LRRK1: variants seen among roughly 807,000 people sequenced by gnomAD.
LRRK1 encodes leucine-rich repeat serine/threonine-protein kinase 1.
In LRRK1, 113 loss-of-function variants were observed where a neutral mutation model predicts 209.1. That is an observed-to-expected ratio of 0.54 (90% CI 0.46 to 0.63). The LOEUF (loss-of-function observed/expected upper bound fraction) is 0.63. LRRK1 is among the 30% of genes least tolerant of loss of function. LRRK1 has a pLI of 0.00. For missense variants in LRRK1, 2,284 were observed against 2,632.2 expected (o/e 0.87, Z 2.89); for synonymous variants, 1,144 against 1,099.7 (o/e 1.04, Z -0.80).
rs141930663 is a variant in LRRK1, at chr15:101,009,219, T to G, written c.989+156T>G. Among the ~76,000 whole-genome samples, 1,267 of 152,358 alleles carry G rather than the reference T, an allele frequency of 8.3e-3. 9 individuals carry two copies. The highest frequency in any genetic ancestry group is 0.031 in the Middle Eastern group (9 of 294). On this transcript the variant is annotated intron_variant, in intron 7 of 33. Transcript: ENST00000388948. ...TGCCTACCCTGAGGCAAGCCTCCCTTTCAGGTTAAAACAGAGAGGTTTAGA... is the reference window on the plus strand; with the variant it reads ...TGCCTACCCTGAGGCAAGCCTCCCTGTCAGGTTAAAACAGAGAGGTTTAGA...
At chr15:100,936,771 G>C (rs1035988726) in intron 2 of LRRK1, among the ~76,000 whole-genome samples, 7 of 152,220 alleles carry the variant, frequency 4.6e-5, no homozygotes, top group Non-Finnish European at 1.5e-5. Context: ...TATCACTTCA[G>C]CTGGGAGAAG....
At chr15:100,978,174 G>A (rs1406028544) in intron 3 of LRRK1, among the ~76,000 whole-genome samples, 3 of 152,004 alleles carry the variant, frequency 2.0e-5, no homozygotes, top group African/African-American at 4.8e-5. Flanking sequence ...CAGAACAGTA[G>A]AAATTACCCA....
chr15:101,003,535 T>C (rs1169169875), intron 6 of LRRK1, among the ~76,000 whole-genome samples: 1 of 152,150 alleles, frequency 6.6e-6, no homozygotes, highest in East Asian at 1.9e-4. Flanking sequence ...CTCACAATCA[T>C]GGCAGAAGGT....
intron 20 of LRRK1, among the ~76,000 whole-genome samples, chr15:101,033,675 C>A (rs1430684218): frequency 6.6e-6 from 1 of 152,164 alleles, no homozygotes; most frequent in East Asian, 1.9e-4. Flanking sequence ...CATTGATGGA[C>A]ACTTAGGTTG....
intron 26 of LRRK1, among the ~76,000 whole-genome samples, chr15:101,053,980 A>T (rs2141138405): frequency 6.6e-6 from 1 of 152,220 alleles, no homozygotes; most frequent in Admixed American, 6.5e-5. Context: ...TTTAAACAGA[A>T]TTCTTTACTT....
intron 20 of LRRK1, among the ~76,000 whole-genome samples, chr15:101,033,129 T>C (rs75296079): frequency 0.013 from 1,946 of 152,334 alleles, 44 homozygotes; most frequent in African/African-American, 0.044. Context: ...CTGCATTTCT[T>C]AGCTCACATT....
chr15:101,068,737 A>G lies in LRRK1; in HGVS notation c.5937A>G (p.Thr1979=). The G allele has an allele frequency of 6.2e-7, 1 of 1,613,890 alleles. No homozygotes were observed. The highest frequency in any genetic ancestry group is 2.2e-5 in the East Asian group (1 of 44,874). ...TVVCTFENEN[T]EWCLAVWRGW... Reference sequence around the variant, plus strand: ...TGTGCACCTTTGAAAATGAAAACACAGAGTGGTGCCTGGCCGTCTGGAGGG... The same window carrying G: ...TGTGCACCTTTGAAAATGAAAACACGGAGTGGTGCCTGGCCGTCTGGAGGG... The change falls in exon 34 of 34, where the codon ACA becomes ACG. Residue 1979 remains threonine, a synonymous_variant. Coordinates refer to ENST00000388948, the MANE Select transcript of LRRK1 (RefSeq NM_024652.6).
At chr15:100,954,254 G>A (rs944847250) in intron 2 of LRRK1, among the ~76,000 whole-genome samples, 19 of 152,036 alleles carry the variant, frequency 1.2e-4, no homozygotes, top group Admixed American at 9.8e-4. Flanking sequence ...ATGATTAGAC[G>A]TGCCGACAAC....
At chr15:100,933,043 T>A (rs2042238322) in intron 2 of LRRK1, among the ~76,000 whole-genome samples, 1 of 152,208 alleles carries the variant, frequency 6.6e-6, no homozygotes, top group African/African-American at 2.4e-5. Flanking sequence ...CTTTGCACCT[T>A]TATTTAATTG....
Position 100,989,364 on chromosome 15 carries a change from C to G in LRRK1, c.728C>G (p.Ala243Gly). The change falls in exon 6 of 34, where the codon GCC (alanine) becomes GGC (glycine). Residue 243 changes from alanine to glycine, a missense_variant. This residue lies in a region of LRRK1 where 494 missense variants were observed against 522.1 expected (regional missense o/e 0.95). Transcript: ENST00000388948. ...KHLLRKYFIE[A>G]SPLPSSYPGK... Reference sequence around the variant, plus strand: ...CTGCTGAGAAAGTACTTCATTGAAGCCAGTCCCTTGCCCAGCAGTTATCCG... The same window carrying G: ...CTGCTGAGAAAGTACTTCATTGAAGGCAGTCCCTTGCCCAGCAGTTATCCG... The G allele has an allele frequency of 6.2e-7, 1 of 1,614,228 alleles. No individual in the cohort carries two copies. The highest frequency in any genetic ancestry group is 1.7e-5 in the Admixed American group (1 of 60,034).
At chr15:100,941,752 G>A (rs550374028) in intron 2 of LRRK1, among the ~76,000 whole-genome samples, 2 of 152,242 alleles carry the variant, frequency 1.3e-5, no homozygotes, top group South Asian at 4.2e-4. Context: ...CATGGCTTCC[G>A]GGTGGTGGGC....
chr15:101,063,828 G>T (rs963332339), intron 31 of LRRK1, among the ~76,000 whole-genome samples: 1 of 150,192 alleles, frequency 6.7e-6, no homozygotes, highest in South Asian at 2.1e-4. Context: ...AAAAAAACAG[G>T]TATGAAATGA....
chr15:101,003,045 T>A (rs1211560234), intron 6 of LRRK1, among the ~76,000 whole-genome samples: 1 of 152,242 alleles, frequency 6.6e-6, no homozygotes, highest in Non-Finnish European at 1.5e-5. Flanking sequence ...GACAACTTTT[T>A]TAACTGTGCA....
chr15:101,066,339 G>T, intron 32 of LRRK1, 134 bp downstream of exon 32: 1 of 1,279,272 alleles, frequency 7.8e-7, no homozygotes, highest in Non-Finnish European at 1.1e-6. Flanking sequence ...AAGAGGGTTG[G>T]TTTCCTCCAT....
At chr15:101,041,354 AT>A (rs1274527843) in intron 20 of LRRK1, among the ~76,000 whole-genome samples, 1 of 152,212 alleles carries the variant, frequency 6.6e-6, no homozygotes, top group African/African-American at 2.4e-5. Flanking sequence ...ATTCATTCAC[AT>A]TTATCATAAT....
intron 2 of LRRK1, among the ~76,000 whole-genome samples, chr15:100,941,420 G>C (rs201386341): frequency 0.029 from 437 of 15,150 alleles, 63 homozygotes; most frequent in African/African-American, 0.049. Context: ...CTCTGTGTGT[G>C]TGTGTGTCTG....
chr15:100,956,450 T>TTTTCTTTTTC (rs2042760026), intron 2 of LRRK1, among the ~76,000 whole-genome samples: 6 of 64,658 alleles, frequency 9.3e-5, no homozygotes, highest in Admixed American at 4.7e-4. Context: ...TTTCCTTTTT[T>TTTTCTTTTTC]TTTTCTTTTT....
chr15:101,060,920 G>A (rs1690425681), intron 29 of LRRK1, among the ~76,000 whole-genome samples: 1 of 152,102 alleles, frequency 6.6e-6, no homozygotes, highest in South Asian at 2.1e-4. Flanking sequence ...TCGTACTGGG[G>A]GCAACCGTCT....
rs1262819873 is a variant in LRRK1, at chr15:100,973,796, C to T, written c.98-8C>T. The T allele has an allele frequency of 2.3e-6, 3 of 1,282,434 alleles. No individual in the cohort carries two copies. Among genetic ancestry groups the T allele is most frequent in the East Asian group, 3.1e-5 (1 of 31,918 alleles). The allele number at this position is 1,282,434 out of a possible 1,614,324, so 79.4% of individuals were successfully genotyped here. A position where few individuals can be genotyped will look rare whatever the true frequency, so the allele number is the denominator to read the frequency against. ...TGACGCCGTGTGTGTGTGCTTCCTC[C>T]CGCGCAGGTGCCGGGGACACGGGCG... On this transcript the variant is annotated splice_region_variant and splice_polypyrimidine_tract_variant and intron_variant, in intron 2 of 33. Transcript: ENST00000388948.
Sources: gnomAD v4.1 joint callset for allele counts (sites outside exome capture counted in the v4.1 genomes callset) on GRCh38, gnomAD v4.1.1 for gene constraint, gnomAD v4.1.1 regional missense constraint, MANE v1.5 for transcripts, NCBI Gene and HGNC (gene_info 2026-07-23, HGNC 2026-07-21) for gene names.